The following OR7C1 variants were observed in gnomAD, a reference collection of about 807,000 sequenced individuals.
The protein encoded by OR7C1 is olfactory receptor family 7 subfamily C member 1.
For missense variants in OR7C1, 324 were observed against 383.3 expected (o/e 0.85, Z 1.29); for synonymous variants, 152 against 160.7 (o/e 0.95, Z 0.41).
At chr19:14,824,551 T>A (rs1398750663) in intron 1 of OR7C1, 1 of 152,196 alleles carries the variant, frequency 6.6e-6, no homozygotes, top group African/African-American at 2.4e-5. Context: ...ACAAAGGACA[T>A]GTTTTTTTCT....
In OR7C1 at chr19:14,800,141, A is replaced by G. The variant is rs1272108385; in HGVS notation, c.-5T>C. 5 of 1,550,862 alleles carry G rather than the reference A, an allele frequency of 3.2e-6. No homozygotes were observed. The Middle Eastern group carries it at 5.2e-4, about 162-fold the overall frequency. ...TGTTTGATTTCCTGTTTCCATGGGG[A>G]TAAAATAACTGCCACAAGAGAGAAA... On this transcript the variant is annotated 5_prime_UTR_variant, in exon 5 of 5. Coordinates refer to ENST00000641666, the Ensembl canonical transcript of OR7C1.
chr19:14,825,555 T>C (rs1056561314), intron 1 of OR7C1: 9 of 152,226 alleles, frequency 5.9e-5, no homozygotes, highest in Admixed American at 3.9e-4. Context: ...ACTTGGCATG[T>C]TTCTGTTGCT....
chr19:14,827,422 C>T (rs1369293502), intron 1 of OR7C1: 1 of 1,614,130 alleles, frequency 6.2e-7, no homozygotes. Flanking sequence ...ATCACTGAGG[C>T]TGTTGCACTT....
chr19:14,803,192 A>G (rs1465902582), intron 2 of OR7C1, among the ~76,000 whole-genome samples: 1 of 151,394 alleles, frequency 6.6e-6, no homozygotes, highest in Non-Finnish European at 1.5e-5. Flanking sequence ...CTGTAATCCC[A>G]GCTACTTGGG....
chr19:14,830,985 TA>T (rs1387790817), intron 1 of OR7C1, among the ~76,000 whole-genome samples: 2 of 152,218 alleles, frequency 1.3e-5, no homozygotes, highest in Non-Finnish European at 2.9e-5. Context: ...CACTATCCTA[TA>T]AAATCCCCAG....
chr19:14,799,973 A>T, exon 5 of OR7C1: 1 of 1,614,072 alleles, frequency 6.2e-7, no homozygotes, highest in African/African-American at 1.3e-5. Flanking sequence ...GGGGGTGTGG[A>T]GGTGGGAGTC....
intron 1 of OR7C1, among the ~76,000 whole-genome samples, chr19:14,817,355 C>A (rs1242207511): frequency 6.6e-6 from 1 of 152,202 alleles, no homozygotes; most frequent in African/African-American, 2.4e-5. Flanking sequence ...CATGTTTTCA[C>A]TCCAATTAAT....
At chr19:14,812,843 C>T (rs1357314468) in intron 1 of OR7C1, among the ~76,000 whole-genome samples, 1 of 151,852 alleles carries the variant, frequency 6.6e-6, no homozygotes, top group Non-Finnish European at 1.5e-5. Flanking sequence ...GCGGGTGGAT[C>T]ACTTGAGGTC....
chr19:14,832,762 C>A (rs2044846111), intron 1 of OR7C1, among the ~76,000 whole-genome samples: 2 of 151,758 alleles, frequency 1.3e-5, no homozygotes, highest in Non-Finnish European at 1.5e-5. Flanking sequence ...ACGATGTATG[C>A]ATTATTAAAA....
intron 1 of OR7C1, among the ~76,000 whole-genome samples, chr19:14,817,245 C>G (rs2044720328): frequency 1.3e-5 from 2 of 152,152 alleles, no homozygotes; most frequent in Admixed American, 1.3e-4. Flanking sequence ...CTGCACAGGA[C>G]ATGATCTCAT....
chr19:14,803,230 C>CTGGGAGA lies in OR7C1; in HGVS notation c.-434-2473_-434-2467dup, dbSNP rs1465282781. On this transcript the variant is annotated intron_variant, in intron 2 of 4. Transcript: ENST00000641666. The stretch of plus-strand genomic sequence containing the variant: ...CCTGAGGCACAAGAGTCACTTGAAA[C>CTGGGAGA]TGGGAGATGGAGGTTGCAGTGAGCC... Among the ~76,000 whole-genome samples, 178 of 144,476 alleles carry CTGGGAGA rather than the reference C, an allele frequency of 1.2e-3. 1 individual carries two copies. The highest frequency in any genetic ancestry group is 4.4e-3 in the African/African-American group (169 of 38,360). 94.8% of individuals were successfully genotyped at this position (144,476 alleles called of 152,430 possible).
intron 2 of OR7C1, among the ~76,000 whole-genome samples, chr19:14,801,000 C>A (rs2044639001): frequency 6.6e-6 from 1 of 152,188 alleles, no homozygotes; most frequent in African/African-American, 2.4e-5. Context: ...CCCTATTAAA[C>A]CTCCGCCTCT....
exon 5 of OR7C1, chr19:14,799,211 G>C (rs2044626074): frequency 1.2e-6 from 2 of 1,612,576 alleles, no homozygotes; most frequent in Non-Finnish European, 1.7e-6. Context: ...ATTAAAAAAT[G>C]TTGCCCTACT....
At chr19:14,827,232 A>G in intron 1 of OR7C1, 1 of 1,485,304 alleles carries the variant, frequency 6.7e-7, no homozygotes, top group Non-Finnish European at 8.9e-7. Context: ...TATTTCCACT[A>G]TCTGATTGAA....
chr19:14,802,096 G>T (rs1217483009), intron 2 of OR7C1, among the ~76,000 whole-genome samples: 1 of 152,248 alleles, frequency 6.6e-6, no homozygotes, highest in Admixed American at 6.5e-5. Context: ...AGGTTGGACA[G>T]CTTTGTGGCA....
At chr19:14,801,804 A>C (rs969086691) in intron 2 of OR7C1, among the ~76,000 whole-genome samples, 3 of 152,092 alleles carry the variant, frequency 2.0e-5, no homozygotes, top group Non-Finnish European at 2.9e-5. Context: ...AGAGAGAGAG[A>C]GCGCGCGCTA....
intron 1 of OR7C1, chr19:14,827,842 C>A (rs1296504649): frequency 1.2e-6 from 2 of 1,614,144 alleles, no homozygotes; most frequent in South Asian, 1.1e-5. Flanking sequence ...TTCATAATGA[C>A]CATGTAGTGC....
chr19:14,831,988 A>C (rs1403488322), intron 1 of OR7C1, among the ~76,000 whole-genome samples: 1 of 152,068 alleles, frequency 6.6e-6, no homozygotes, highest in East Asian at 1.9e-4. Context: ...AGCTCACTGC[A>C]GCCTCAAATT....
exon 5 of OR7C1, chr19:14,799,944 T>G: frequency 3.1e-6 from 5 of 1,613,990 alleles, no homozygotes; most frequent in Non-Finnish European, 4.2e-6. Context: ...AAAGACAGGT[T>G]GGAGAGGAAG....
Sources: allele counts gnomAD v4.1 joint callset (sites outside exome capture counted in the v4.1 genomes callset), GRCh38; gene constraint gnomAD v4.1.1; transcripts MANE v1.5; gene names NCBI Gene and HGNC (gene_info 2026-07-23, HGNC 2026-07-21).